CENPK: variants seen among roughly 807,000 people sequenced by gnomAD.
The protein encoded by CENPK is centromere protein K.
A neutral mutation model predicts 40.9 loss-of-function variants in CENPK; 46 were observed. That is an observed-to-expected ratio of 1.13 (90% CI 0.89 to 1.44). CENPK has a LOEUF of 1.44. Among genes scored for constraint, CENPK ranks in the 40% most tolerant of loss-of-function variants. CENPK has a pLI of 0.00. For missense variants in CENPK, 288 were observed against 303.5 expected, an observed-to-expected ratio of 0.95 and a Z score of 0.38; for synonymous variants, 107 against 104.4, an observed-to-expected ratio of 1.02 and a Z score of -0.15.
rs1750725249 is a variant in CENPK, at chr5:65,554,870, T to C, written c.38A>G (p.Asp13Gly). ...TTCAGTATTTGTAACATCTCCCACATCTGTAGTACTATCCGGATCTAGATC... is the reference window on the plus strand; with the variant it reads ...TTCAGTATTTGTAACATCTCCCACACCTGTAGTACTATCCGGATCTAGATC... ...QEDLDPDSTT[D>G]VGDVTNTEEE... The change falls in exon 3 of 11, where the codon GAT becomes GGT. Residue 13 changes from aspartate (D) to glycine (G), a missense_variant. Physicochemically the swap from Asp to Gly is moderately conservative, Grantham distance 94 (BLOSUM62 -1). Transcript: ENST00000396679. The C allele has an allele frequency of 1.2e-6, 2 of 1,603,708 alleles. No homozygotes were observed. The highest frequency in any genetic ancestry group is 1.3e-5 in the African/African-American group (1 of 74,734).
intron 9 of CENPK, among the ~76,000 whole-genome samples, chr5:65,525,266 G>A (rs2150357927): frequency 6.6e-6 from 1 of 152,184 alleles, no homozygotes; most frequent in East Asian, 1.9e-4. Flanking sequence ...TCAGGAGGCT[G>A]AGGCAGGAGA....
intron 5 of CENPK, among the ~76,000 whole-genome samples, chr5:65,545,322 GCGCACACACA>G (rs1192982549): frequency 0.02 from 2,718 of 133,162 alleles, 145 homozygotes; most frequent in African/African-American, 0.043. Flanking sequence ...TCCTCAAAGC[GCGCACACACA>G]CACACACACA....
At chr5:65,557,857 T>C (rs1012219103) in intron 2 of CENPK, among the ~76,000 whole-genome samples, 1 of 152,188 alleles carries the variant, frequency 6.6e-6, no homozygotes, top group Admixed American at 6.5e-5. Context: ...TTTAGAAGAA[T>C]GGCAAGAATA....
the CENPK span, among the ~76,000 whole-genome samples, chr5:65,504,955 G>C: frequency 6.6e-6 from 1 of 152,046 alleles, no homozygotes; most frequent in Non-Finnish European, 1.5e-5. Context: ...TTTATTTAAA[G>C]ATGGTCACTC....
intron 6 of CENPK, among the ~76,000 whole-genome samples, chr5:65,533,613 C>T (rs1178748208): frequency 6.6e-6 from 1 of 151,906 alleles, no homozygotes; most frequent in Non-Finnish European, 1.5e-5. Context: ...AAAAATTATA[C>T]AGAAGGGAAA....
intron 2 of CENPK, among the ~76,000 whole-genome samples, chr5:65,555,963 A>G (rs1472635935): frequency 6.6e-6 from 1 of 152,208 alleles, no homozygotes; most frequent in African/African-American, 2.4e-5. Flanking sequence ...CCATCATCAC[A>G]CAGATAAGAC....
the CENPK span, among the ~76,000 whole-genome samples, chr5:65,495,937 T>C: frequency 1.3e-5 from 2 of 152,198 alleles, no homozygotes; most frequent in African/African-American, 4.8e-5. Context: ...TCAACCTTTC[T>C]GGAAAGGCAT....
At chr5:65,533,350 A>AAAATAAATAAATAAATAAAT (rs61642453) in intron 6 of CENPK, among the ~76,000 whole-genome samples, 41,684 of 147,716 alleles carry the variant, frequency 0.28, 6,571 homozygotes, top group East Asian at 0.49. Flanking sequence ...ACCCTGTATC[A>AAAATAAATAAATAAATAAAT]AAATAAATAA....
Position 65,529,155 on chromosome 5 carries a change from C to A in CENPK, c.333G>T (p.Lys111Asn). ...RQDLEMVLST[K>N]ESKNEKLKED... The stretch of plus-strand genomic sequence containing the variant: ...CCTTTAACTTTTCATTCTTTGACTC[C>A]TTAGTGGACAGTACCATTTCAAGAT... Residue 111 changes from lysine (K) to asparagine (N), a missense_variant, in exon 7 of 11, where the codon AAG (lysine) becomes AAT (asparagine). Transcript: ENST00000396679. 1.2e-6 allele frequency: 2 copies of A among 1,611,076 alleles called. No individual in the cohort carries two copies. Among genetic ancestry groups the A allele is most frequent in the East Asian group, 4.5e-5 (2 of 44,750 alleles).
Position 65,554,882 on chromosome 5 carries a change from T to A in CENPK, c.26A>T (p.Asp9Val), listed in dbSNP as rs1216026136. 1 of 1,600,092 alleles carries A rather than the reference T, an allele frequency of 6.2e-7. No homozygotes were observed. The highest frequency in any genetic ancestry group is 8.6e-7 in the Non-Finnish European group (1 of 1,168,102). Residue 9 changes from aspartate to valine, a missense_variant, in exon 3 of 11, where the codon GAT becomes GTT. Coordinates refer to ENST00000396679, the MANE Select transcript of CENPK (RefSeq NM_022145.5). ...AACATCTCCCACATCTGTAGTACTA[T>A]CCGGATCTAGATCCTCCTGATTCAT... is the stretch of plus-strand genomic sequence containing the variant. MNQEDLDPDSTTDVGDVTN... is the reference protein window; with the variant it reads MNQEDLDPVSTTDVGDVTN...
intron 9 of CENPK, among the ~76,000 whole-genome samples, chr5:65,523,000 T>G (rs1744055016): frequency 6.6e-6 from 1 of 152,246 alleles, no homozygotes; most frequent in Admixed American, 6.5e-5. Context: ...TGCCAAAGTA[T>G]TTTTCATATA....
At chr5:65,532,058 G>A (rs1293349720) in intron 6 of CENPK, among the ~76,000 whole-genome samples, 2 of 152,178 alleles carry the variant, frequency 1.3e-5, no homozygotes, top group Non-Finnish European at 2.9e-5. Context: ...TCAGGAATGA[G>A]AGAGGTGACA....
In CENPK at chr5:65,545,616, T is replaced by A. The variant is rs377442884; in HGVS notation, c.242-2768A>T. Among the ~76,000 whole-genome samples, 8 of 152,104 alleles carry A rather than the reference T, an allele frequency of 5.3e-5. No homozygotes were observed. In the East Asian group the frequency reaches 5.8e-4, roughly 11 times the overall value. The stretch of plus-strand genomic sequence containing the variant: ...CTAAAAGAACGGCTCAAGGAAGTTC[T>A]TGAAACAGAAACAATAAAAGGAATT... On this transcript the variant is annotated intron_variant, in intron 5 of 10. Coordinates refer to ENST00000396679, the MANE Select transcript of CENPK (RefSeq NM_022145.5).
the CENPK span, among the ~76,000 whole-genome samples, chr5:65,506,853 C>T: frequency 6.6e-6 from 1 of 151,972 alleles, no homozygotes; most frequent in African/African-American, 2.4e-5. Context: ...ATTCTAAAGC[C>T]TCTGTCACAC....
the CENPK span, among the ~76,000 whole-genome samples, chr5:65,511,723 T>C: frequency 1.4e-4 from 21 of 152,250 alleles, no homozygotes; most frequent in Middle Eastern, 3.4e-3. Flanking sequence ...GAACTGCTCA[T>C]GTGAGGGATC....
At chr5:65,545,265 A>G (rs1285128603) in intron 5 of CENPK, among the ~76,000 whole-genome samples, 2 of 151,340 alleles carry the variant, frequency 1.3e-5, no homozygotes, top group South Asian at 2.1e-4. Flanking sequence ...AATCCAGGTT[A>G]AGGTACAACA....
the CENPK span, among the ~76,000 whole-genome samples, chr5:65,507,125 G>A: frequency 6.6e-6 from 1 of 152,134 alleles, no homozygotes; most frequent in African/African-American, 2.4e-5. Context: ...AAACATGCCA[G>A]ATTTGGCCAT....
chr5:65,504,496 G>A, the CENPK span, among the ~76,000 whole-genome samples: 4 of 145,018 alleles, frequency 2.8e-5, no homozygotes, highest in East Asian at 2.0e-4. Context: ...TATTTCTCTC[G>A]TAAGTTAACT....
intron 5 of CENPK, among the ~76,000 whole-genome samples, chr5:65,547,786 T>A (rs1417311352): frequency 6.6e-6 from 1 of 152,120 alleles, no homozygotes; most frequent in Non-Finnish European, 1.5e-5. Flanking sequence ...TGCCTCAGCA[T>A]CCCAAGTAGC....
Sources: allele counts gnomAD v4.1 joint callset (sites outside exome capture counted in the v4.1 genomes callset), GRCh38; gene constraint gnomAD v4.1.1; transcripts MANE v1.5; gene names NCBI Gene and HGNC (gene_info 2026-07-23, HGNC 2026-07-21).